Variants in ANKRD13A observed in about 807,000 individuals in gnomAD.
ANKRD13A encodes the protein ankyrin repeat domain-containing protein 13A.
Under a neutral mutation model 81.3 loss-of-function variants are expected in ANKRD13A, and 48 were observed. The ratio of observed to expected loss-of-function variants is 0.59; its 90% CI spans 0.47 to 0.75. The LOEUF (loss-of-function observed/expected upper bound fraction) is 0.75, where lower values mean the gene tolerates loss of function less well. Ranked by LOEUF, ANKRD13A falls within the 30% of genes least tolerant of loss-of-function variation. The probability of loss-of-function intolerance (pLI) is 0.00; values close to 1 mark genes in which losing one functional copy is unlikely to be tolerated. For missense variants in ANKRD13A, 612 were observed against 734.0 expected, an observed-to-expected ratio of 0.83 and a Z score of 1.92; for synonymous variants, 230 against 270.1, an observed-to-expected ratio of 0.85 and a Z score of 1.45.
chr12:109,999,683 C>T lies in ANKRD13A; in HGVS notation c.-6C>T. 2 of 1,531,780 alleles carry T rather than the reference C, an allele frequency of 1.3e-6. No individual in the cohort carries two copies. The highest frequency in any genetic ancestry group is 1.8e-6 in the Non-Finnish European group (2 of 1,138,252). The allele number at this position is 1,531,780 out of a possible 1,614,324, so 94.9% of individuals were successfully genotyped here. A position where few individuals can be genotyped will look rare whatever the true frequency, so the allele number is the denominator to read the frequency against. ...GCGACGAGGACCAGGTTACGGCCTC[C>T]TCGCCATGTCCTCGGCCTGCGACGC... On this transcript the variant is annotated 5_prime_UTR_variant, in exon 1 of 15. Transcript: ENST00000261739. This position sits in a 1 kb window ranked among gnomAD's most constrained non-coding sequence, Gnocchi z 4.3.
Position 110,025,775 on chromosome 12 carries a change from A to G in ANKRD13A, c.835A>G (p.Lys279Glu), listed in dbSNP as rs1891284491. 6.2e-7 allele frequency: 1 copy of G among 1,613,866 alleles called. No homozygotes were observed. The highest frequency in any genetic ancestry group is 8.5e-7 in the Non-Finnish European group (1 of 1,179,926). ...AGTAAACAATGTGAATGTGATCACC[A>G]AAATACGCACAGAACATCTGACCGA... Reference protein sequence around the residue: ...YTVNNVNVITKIRTEHLTEEE... With the variant: ...YTVNNVNVITEIRTEHLTEEE... The change falls in exon 8 of 15, where the codon AAA (lysine) becomes GAA (glutamate). Residue 279 changes from lysine (K) to glutamate (E), a missense_variant. Transcript: ENST00000261739.
intron 9 of ANKRD13A, 49 bp downstream of exon 9, chr12:110,027,815 C>A (rs776140711): frequency 2.5e-6 from 4 of 1,590,052 alleles, no homozygotes; most frequent in Middle Eastern, 1.7e-4. Flanking sequence ...AAGGAAACAA[C>A]TTGTCTGTGT....
chr12:110,006,525 G>C (rs1244329670), intron 1 of ANKRD13A, among the ~76,000 whole-genome samples: 1 of 152,096 alleles, frequency 6.6e-6, no homozygotes, highest in African/African-American at 2.4e-5. Context: ...GAGTTGTAAA[G>C]GTTCTTTGCA....
chr12:110,027,857 C>T, intron 9 of ANKRD13A, 91 bp downstream of exon 9: 1 of 1,319,086 alleles, frequency 7.6e-7, no homozygotes. Flanking sequence ...CCTGAACAGC[C>T]CACTCTATGT....
chr12:110,024,054 C>G lies in ANKRD13A; in HGVS notation c.743C>G (p.Ser248Cys). The G allele has an allele frequency of 6.2e-7, 1 of 1,613,448 alleles. No individual in the cohort carries two copies. The highest frequency in any genetic ancestry group is 8.5e-7 in the Non-Finnish European group (1 of 1,179,766). Residue 248 changes from serine (S) to cysteine (C), a missense_variant, in exon 7 of 15, where the codon TCC (serine) becomes TGC (cysteine). Physicochemically the swap from Ser to Cys is moderately radical, Grantham distance 112. Coordinates refer to ENST00000261739, the MANE Select transcript of ANKRD13A (RefSeq NM_033121.2). ...TGTTCACTTTTTATCAGAACTAAAT[C>G]CGGATTCTGGGGCTGGAGGACAGAT... is the stretch of plus-strand genomic sequence containing the variant. ...TKNIAFERTK[S>C]GFWGWRTDKA...
intron 1 of ANKRD13A, among the ~76,000 whole-genome samples, chr12:110,007,019 G>T (rs767783859): frequency 2.6e-5 from 4 of 152,198 alleles, no homozygotes; most frequent in Non-Finnish European, 5.9e-5. Context: ...AAATGTGTGG[G>T]TTTATTTCTG....
intron 8 of ANKRD13A, chr12:110,027,033 T>C (rs1488654288): frequency 1.3e-5 from 2 of 152,222 alleles, no homozygotes; most frequent in African/African-American, 4.8e-5. Flanking sequence ...AAAAAGGAGA[T>C]AAGGACATTT....
chr12:110,031,312 T>C (rs1891675246), intron 12 of ANKRD13A, among the ~76,000 whole-genome samples: 1 of 151,678 alleles, frequency 6.6e-6, no homozygotes, highest in South Asian at 2.1e-4. Flanking sequence ...AGGTGTAATG[T>C]ACATACAATA....
At chr12:110,016,299 C>G in intron 3 of ANKRD13A, 89 bp from the exon 4 acceptor site, 1 of 977,326 alleles carries the variant, frequency 1.0e-6, no homozygotes, top group East Asian at 2.7e-5. Context: ...TTTTTTAACC[C>G]AGGGTTTTTA....
Position 109,999,656 on chromosome 12 carries a change from G to T in ANKRD13A, c.-33G>T, listed in dbSNP as rs1889837238. On this transcript the variant is annotated 5_prime_UTR_variant, in exon 1 of 15. Coordinates refer to ENST00000261739, the MANE Select transcript of ANKRD13A (RefSeq NM_033121.2). This position sits in a 1 kb window ranked among gnomAD's most constrained non-coding sequence, Gnocchi z 4.3. ...CCCCGCCGGGGCCGAGACTTGGGGC[G>T]GGCGACGAGGACCAGGTTACGGCCT... 1.3e-6 allele frequency: 2 copies of T among 1,494,960 alleles called. No individual in the cohort carries two copies. Among genetic ancestry groups the T allele is most frequent in the South Asian group, 1.3e-5 (1 of 79,632 alleles). The allele number at this position is 1,494,960 out of a possible 1,614,324, so 92.6% of individuals were successfully genotyped here.
chr12:110,003,495 G>A (rs1347805007), intron 1 of ANKRD13A, among the ~76,000 whole-genome samples: 8 of 152,254 alleles, frequency 5.3e-5, no homozygotes, highest in African/African-American at 1.9e-4. Context: ...GACTCAGCGT[G>A]GGGGCCACAC....
rs3428 is a variant in ANKRD13A, at chr12:110,038,741, T to C, written c.*1187T>C. The C allele has an allele frequency of 0.017, 2,579 of 152,630 alleles. 36 individuals are homozygous for C. The highest frequency in any genetic ancestry group is 0.025 in the Admixed American group (375 of 15,290). 9.5% of individuals were successfully genotyped at this position (152,630 alleles called of 1,614,324 possible). On this transcript the variant is annotated 3_prime_UTR_variant, in exon 15 of 15. Coordinates refer to ENST00000261739, the MANE Select transcript of ANKRD13A (RefSeq NM_033121.2). ...ATTTTAACCAGATTTTCTCAGGCCT[T>C]TTTTGGATACCTTTAGTAGTTAACT... is the stretch of plus-strand genomic sequence containing the variant.
chr12:110,016,343 A>C (rs1890803528), intron 3 of ANKRD13A, 45 bp from the exon 4 acceptor site: 2 of 1,455,352 alleles, frequency 1.4e-6, no homozygotes, highest in Non-Finnish European at 1.9e-6. Flanking sequence ...TGTTGTGTTG[A>C]TAGTGCCAAG....
chr12:110,033,215 G>A (rs1049294859), intron 12 of ANKRD13A, among the ~76,000 whole-genome samples: 10 of 149,652 alleles, frequency 6.7e-5, no homozygotes, highest in African/African-American at 1.2e-4. Context: ...CACCACGCCC[G>A]GCTAATTTTT....
chr12:110,019,988 T>C (rs1178916413), intron 6 of ANKRD13A, among the ~76,000 whole-genome samples: 3 of 152,222 alleles, frequency 2.0e-5, no homozygotes, highest in Non-Finnish European at 4.4e-5. Flanking sequence ...CTGTCAAAGC[T>C]GTTCGCTTGT....
intron 7 of ANKRD13A, among the ~76,000 whole-genome samples, chr12:110,024,360 G>A (rs1256069217): frequency 6.6e-6 from 1 of 151,850 alleles, no homozygotes; most frequent in African/African-American, 2.4e-5. Context: ...ATGAGTACAG[G>A]TACCAGTTGT....
At chr12:110,025,889 G>T in intron 8 of ANKRD13A, 66 bp downstream of exon 8, 1 of 1,390,894 alleles carries the variant, frequency 7.2e-7, no homozygotes, top group Non-Finnish European at 1.0e-6. Context: ...GGAACTCTTT[G>T]TTGGCTCTGT....
chr12:110,033,881 T>C lies in ANKRD13A; in HGVS notation c.1433T>C (p.Val478Ala), dbSNP rs777085804. ...SYYVQDNGRNVHLQDEDYEIM... is the reference protein window; with the variant it reads ...SYYVQDNGRNAHLQDEDYEIM... Reference sequence around the variant, plus strand: ...TATGTTCAAGACAATGGCAGAAATGTGCATTTGCAAGATGAAGATTACGAG... The same window carrying C: ...TATGTTCAAGACAATGGCAGAAATGCGCATTTGCAAGATGAAGATTACGAG... Residue 478 changes from valine (V) to alanine (A), a missense_variant, in exon 13 of 15, where the codon GTG becomes GCG. Val to Ala is a moderately conservative substitution (Grantham distance 64). Transcript: ENST00000261739. The C allele has an allele frequency of 1.8e-5, 29 of 1,613,760 alleles. No individual in the cohort carries two copies. Among genetic ancestry groups the C allele is most frequent in the Non-Finnish European group, 2.5e-5 (29 of 1,179,852 alleles).
chr12:110,016,478 CT>C, intron 4 of ANKRD13A, 45 bp downstream of exon 4: 1 of 1,522,076 alleles, frequency 6.6e-7, no homozygotes, highest in Non-Finnish European at 8.9e-7. Context: ...TCTAAATTTA[CT>C]TAGCCCGCAT....
Sources: gnomAD v4.1 joint callset for allele counts (sites outside exome capture counted in the v4.1 genomes callset) on GRCh38, gnomAD v4.1.1 for gene constraint, Gnocchi (gnomAD v3.1) non-coding constraint, MANE v1.5 for transcripts, NCBI Gene and HGNC (gene_info 2026-07-23, HGNC 2026-07-21) for gene names.